The following ATP5F1C variants were observed in gnomAD, a reference collection of about 807,000 sequenced individuals.
ATP5F1C encodes the protein ATP synthase F1 subunit gamma.
Under a neutral mutation model 37.4 loss-of-function variants are expected in ATP5F1C, and 22 were observed. That is an observed-to-expected ratio of 0.59 (90% CI 0.42 to 0.84). The LOEUF (loss-of-function observed/expected upper bound fraction) is 0.84, where lower values mean the gene tolerates loss of function less well. Ranked by LOEUF, ATP5F1C falls within the 40% of genes least tolerant of loss-of-function variation. The pLI is 0.00. For synonymous variants in ATP5F1C, 121 were observed against 128.0 expected (o/e 0.95, Z 0.37); for missense variants, 286 against 362.4 (o/e 0.79, Z 1.71).
intron 1 of ATP5F1C, among the ~76,000 whole-genome samples, chr10:7,792,227 C>T: frequency 6.6e-6 from 1 of 152,172 alleles, no homozygotes; most frequent in Non-Finnish European, 1.5e-5. Context: ...GATTTGCCAG[C>T]TTTTATCTTT....
intron 1 of ATP5F1C, among the ~76,000 whole-genome samples, chr10:7,789,924 C>T (rs184284994): frequency 6.6e-6 from 1 of 152,182 alleles, no homozygotes; most frequent in Admixed American, 6.5e-5. Context: ...GAGCTTAAAT[C>T]GGAACCACAA....
Position 7,802,800 on chromosome 10 carries a change from G to T in ATP5F1C, c.836G>T (p.Arg279Leu). Residue 279 changes from arginine to leucine, a missense_variant, in exon 8 of 10, where the codon CGC becomes CTC. Physicochemically the swap from Arg to Leu is moderately radical, Grantham distance 102. Coordinates refer to ENST00000356708, the MANE Select transcript of ATP5F1C (RefSeq NM_001001973.3). Reference sequence around the variant, plus strand: ...TTGACATTGACATTCAACCGTACCCGCCAAGCTGTCATCACAAAAGAGTTG... The same window carrying T: ...TTGACATTGACATTCAACCGTACCCTCCAAGCTGTCATCACAAAAGAGTTG... ...DKLTLTFNRT[R>L]QAVITKELIE... 6.2e-7 allele frequency: 1 copy of T among 1,613,836 alleles called. No homozygotes were observed. Among genetic ancestry groups the T allele is most frequent in the South Asian group, 1.1e-5 (1 of 91,034 alleles).
At chr10:7,801,756 C>T (rs1423311411) in intron 6 of ATP5F1C, among the ~76,000 whole-genome samples, 1 of 152,198 alleles carries the variant, frequency 6.6e-6, no homozygotes, top group African/African-American at 2.4e-5. Context: ...AAATGCACCC[C>T]ATCACACAAG....
chr10:7,792,627 C>T (rs981250977), intron 1 of ATP5F1C, among the ~76,000 whole-genome samples: 1 of 152,146 alleles, frequency 6.6e-6, no homozygotes, highest in African/African-American at 2.4e-5. Flanking sequence ...TTCAGATGGC[C>T]TTCTCTCCCT....
intron 1 of ATP5F1C, among the ~76,000 whole-genome samples, chr10:7,788,969 C>T (rs1836107779): frequency 6.6e-6 from 1 of 151,804 alleles, no homozygotes; most frequent in African/African-American, 2.4e-5. Flanking sequence ...GCCCCCAGGT[C>T]CTGGGGGAGG....
intron 9 of ATP5F1C, among the ~76,000 whole-genome samples, chr10:7,807,342 A>G (rs1588505985): frequency 6.6e-6 from 1 of 152,356 alleles, no homozygotes; most frequent in East Asian, 1.9e-4. Flanking sequence ...ATGTAGCAGA[A>G]GCCAGCTAGA....
chr10:7,795,440 A>G lies in ATP5F1C; in HGVS notation c.57-681A>G, dbSNP rs575091191. 5.3e-5 allele frequency among the ~76,000 whole-genome samples: 8 copies of G among 152,218 alleles called. 1 individual carries two copies. In the South Asian group the frequency reaches 1.7e-3, roughly 32 times the overall value. ...ATTCTCTCATATTCATCTTTCACCA[A>G]CATTTCATTTAAGCCTAATCATTTT... On this transcript the variant is annotated intron_variant, in intron 1 of 9. Coordinates refer to ENST00000356708, the MANE Select transcript of ATP5F1C (RefSeq NM_001001973.3).
chr10:7,802,809 T>C lies in ATP5F1C; in HGVS notation c.845T>C (p.Val282Ala). 6.2e-7 allele frequency: 1 copy of C among 1,614,096 alleles called. No homozygotes were observed. The highest frequency in any genetic ancestry group is 8.5e-7 in the Non-Finnish European group (1 of 1,180,006). ...TLTFNRTRQA[V>A]ITKELIEIIS... Reference sequence around the variant, plus strand: ...ACATTCAACCGTACCCGCCAAGCTGTCATCACAAAAGAGTTGATTGAAATT... The same window carrying C: ...ACATTCAACCGTACCCGCCAAGCTGCCATCACAAAAGAGTTGATTGAAATT... Residue 282 changes from valine to alanine, a missense_variant, in exon 8 of 10, where the codon GTC becomes GCC. Coordinates refer to ENST00000356708, the MANE Select transcript of ATP5F1C (RefSeq NM_001001973.3).
intron 9 of ATP5F1C, 96 bp downstream of exon 9, chr10:7,807,106 A>G (rs1318630871): frequency 8.3e-6 from 10 of 1,205,892 alleles, no homozygotes; most frequent in Non-Finnish European, 1.2e-5. Context: ...GTCCTCTGAG[A>G]GATTTAGATG....
chr10:7,797,264 G>T (rs1388466978), intron 3 of ATP5F1C, 86 bp downstream of exon 3: 1 of 1,531,386 alleles, frequency 6.5e-7, no homozygotes, highest in African/African-American at 1.4e-5. Flanking sequence ...AGCTTACAGT[G>T]ATGTCAAGCC....
chr10:7,795,568 G>A (rs1836224825), intron 1 of ATP5F1C, among the ~76,000 whole-genome samples: 1 of 152,164 alleles, frequency 6.6e-6, no homozygotes, highest in African/African-American at 2.4e-5. Context: ...GTAACAATAT[G>A]TCAGAGACCA....
At position 7,800,495 on chromosome 10, in the gene ATP5F1C, T is replaced by TTA. The variant is rs1260064574; in HGVS notation, c.637+405_637+406insAT. On this transcript the variant is annotated intron_variant, in intron 6 of 9. Coordinates refer to ENST00000356708, the MANE Select transcript of ATP5F1C (RefSeq NM_001001973.3). ...CAGGCATGAGCCCAGCCTTTTATTT[T>TTA]TTTATTTTTTATTTTTTGAGACGGA... 3.1e-3 allele frequency among the ~76,000 whole-genome samples: 435 copies of TTA among 139,820 alleles called. 3 individuals carry two copies. The highest frequency in any genetic ancestry group is 7.9e-3 in the Middle Eastern group (2 of 252). 91.7% of individuals were successfully genotyped at this position (139,820 alleles called of 152,430 possible).
chr10:7,807,596 T>A, intron 9 of ATP5F1C, 63 bp from the exon 10 acceptor site: 1 of 1,539,682 alleles, frequency 6.5e-7, no homozygotes, highest in Non-Finnish European at 8.9e-7. Context: ...TTATTATCTC[T>A]TGACATTATT....
At chr10:7,798,080 T>C (rs1836275617) in intron 3 of ATP5F1C, among the ~76,000 whole-genome samples, 1 of 152,206 alleles carries the variant, frequency 6.6e-6, no homozygotes, top group Non-Finnish European at 1.5e-5. Context: ...TCTAAAAGAA[T>C]TTTTAACTTA....
intron 8 of ATP5F1C, among the ~76,000 whole-genome samples, chr10:7,803,064 A>T (rs1836401914): frequency 6.6e-6 from 1 of 152,104 alleles, no homozygotes; most frequent in South Asian, 2.1e-4. Flanking sequence ...ACTCGGGCTT[A>T]GTTTTCGGTT....
intron 1 of ATP5F1C, among the ~76,000 whole-genome samples, chr10:7,794,652 T>G (rs1380163156): frequency 6.6e-6 from 1 of 152,194 alleles, no homozygotes; most frequent in African/African-American, 2.4e-5. Flanking sequence ...ATAGATTATA[T>G]TATTTGATTT....
chr10:7,806,801 A>G (rs1412975972), intron 8 of ATP5F1C, among the ~76,000 whole-genome samples, 173 bp from the exon 9 acceptor site: 1 of 152,216 alleles, frequency 6.6e-6, no homozygotes, highest in Non-Finnish European at 1.5e-5. Context: ...TATAACAGTC[A>G]TTGAGTCTGT....
Position 7,800,161 on chromosome 10 carries a change from A to G in ATP5F1C, c.637+70A>G, listed in dbSNP as rs530667196. 3 of 1,434,850 alleles carry G rather than the reference A, an allele frequency of 2.1e-6. No individual in the cohort carries two copies. In the South Asian group the frequency reaches 3.5e-5, roughly 17 times the overall value. The allele number at this position is 1,434,850 out of a possible 1,614,324, so 88.9% of individuals were successfully genotyped here. ...GAGAGATTTGTACACTAAGGCAGAC[A>G]GTGTCAAGATATCTGGTGGTAGCTA... On this transcript the variant is annotated intron_variant, in intron 6 of 9. Transcript: ENST00000356708.
At chr10:7,803,593 C>T (rs190180420) in intron 8 of ATP5F1C, among the ~76,000 whole-genome samples, 2 of 152,164 alleles carry the variant, frequency 1.3e-5, no homozygotes, top group African/African-American at 2.4e-5. Context: ...ATACTGCTTT[C>T]CTCAAGAAAA....
Sources: allele counts gnomAD v4.1 joint callset (sites outside exome capture counted in the v4.1 genomes callset), GRCh38; gene constraint gnomAD v4.1.1; transcripts MANE v1.5; gene names NCBI Gene and HGNC (gene_info 2026-07-23, HGNC 2026-07-21).